TMEM132C: variants seen among roughly 807,000 people sequenced by gnomAD.
TMEM132C encodes the protein protein phosphatase 1, regulatory subunit 152.
A neutral mutation model predicts 61.4 loss-of-function variants in TMEM132C; 29 were observed. The observed-to-expected ratio is 0.47, with a 90% CI of 0.35 to 0.64. TMEM132C has a LOEUF of 0.64. TMEM132C is among the 30% of genes least tolerant of loss of function. TMEM132C has a pLI of 0.00. For synonymous variants in TMEM132C, 656 were observed against 633.1 expected (o/e 1.04, Z -0.54); for missense variants, 1,408 against 1,476.9 (o/e 0.95, Z 0.76).
chr12:128,337,003 A>G (rs943511587), intron 1 of TMEM132C, among the ~76,000 whole-genome samples: 7 of 152,216 alleles, frequency 4.6e-5, no homozygotes, highest in African/African-American at 1.7e-4. Flanking sequence ...CCAAGTTGGC[A>G]TGACAAACTT....
chr12:128,581,057 A>G (rs942588129), intron 3 of TMEM132C, among the ~76,000 whole-genome samples: 1 of 152,108 alleles, frequency 6.6e-6, no homozygotes, highest in Non-Finnish European at 1.5e-5. Context: ...ACCCTCCAGA[A>G]GCTGAGGGTC....
At chr12:128,388,691 A>G (rs1046597447) in intron 1 of TMEM132C, among the ~76,000 whole-genome samples, 6 of 152,366 alleles carry the variant, frequency 3.9e-5, no homozygotes, top group Admixed American at 6.5e-5. Flanking sequence ...GGGCCACCCC[A>G]AAGAGGTACA....
intron 3 of TMEM132C, among the ~76,000 whole-genome samples, chr12:128,563,009 G>A (rs1315451800): frequency 6.6e-6 from 1 of 152,220 alleles, no homozygotes; most frequent in Non-Finnish European, 1.5e-5. Flanking sequence ...TAAGCCAGGA[G>A]CCTGCTGCCT....
intron 2 of TMEM132C, among the ~76,000 whole-genome samples, chr12:128,440,543 C>T (rs1456962378): frequency 6.6e-6 from 1 of 152,248 alleles, no homozygotes; most frequent in Non-Finnish European, 1.5e-5. Flanking sequence ...GACCACATCT[C>T]TGCTGCCCTC....
intron 4 of TMEM132C, among the ~76,000 whole-genome samples, chr12:128,643,510 G>A (rs1954173512): frequency 6.6e-6 from 1 of 151,802 alleles, no homozygotes; most frequent in Non-Finnish European, 1.5e-5. Context: ...GCAGCGGCAA[G>A]TCACATGCTC....
At chr12:128,418,953 C>A (rs924900390) in intron 2 of TMEM132C, among the ~76,000 whole-genome samples, 1 of 151,978 alleles carries the variant, frequency 6.6e-6, no homozygotes, top group South Asian at 2.1e-4. Flanking sequence ...GCAGAGATGC[C>A]ATCTTCGCAG....
chr12:128,408,844 C>T (rs1380546765), intron 1 of TMEM132C, among the ~76,000 whole-genome samples: 1 of 152,160 alleles, frequency 6.6e-6, no homozygotes, highest in Non-Finnish European at 1.5e-5. Context: ...TTGGCTGCAG[C>T]ACCAAAGGCA....
At chr12:128,483,036 C>T (rs1265775140) in intron 2 of TMEM132C, among the ~76,000 whole-genome samples, 1 of 151,476 alleles carries the variant, frequency 6.6e-6, no homozygotes, top group Non-Finnish European at 1.5e-5. Context: ...TTGAGCCCAG[C>T]AGTACTGGGC....
At chr12:128,394,743 C>T (rs557669045) in intron 1 of TMEM132C, among the ~76,000 whole-genome samples, 10 of 152,240 alleles carry the variant, frequency 6.6e-5, no homozygotes, top group African/African-American at 2.4e-4. Flanking sequence ...GTGTGTTGTG[C>T]ACCTGTCGGA....
At chr12:128,508,324 C>T (rs1448863461) in intron 2 of TMEM132C, among the ~76,000 whole-genome samples, 1 of 152,162 alleles carries the variant, frequency 6.6e-6, no homozygotes, top group Non-Finnish European at 1.5e-5. Context: ...CCCACAACAC[C>T]TGCGAATTAT....
intron 2 of TMEM132C, among the ~76,000 whole-genome samples, chr12:128,475,342 T>C (rs1871123103): frequency 6.6e-6 from 1 of 152,218 alleles, no homozygotes; most frequent in African/African-American, 2.4e-5. Context: ...TTATATAAAA[T>C]GTCCCGAATA....
chr12:128,550,092 C>T (rs1387465500), intron 3 of TMEM132C, among the ~76,000 whole-genome samples: 3 of 152,190 alleles, frequency 2.0e-5, no homozygotes, highest in Non-Finnish European at 4.4e-5. Context: ...GCTAGGGCTG[C>T]CTGAACAAAA....
At chr12:128,269,147 C>G (rs1162135977) in intron 1 of TMEM132C, among the ~76,000 whole-genome samples, 1 of 152,130 alleles carries the variant, frequency 6.6e-6, no homozygotes, top group Non-Finnish European at 1.5e-5. Context: ...CCCTTCCCAA[C>G]CTACCTCCCA....
At chr12:128,604,268 T>C (rs1876317437) in intron 3 of TMEM132C, among the ~76,000 whole-genome samples, 1 of 151,964 alleles carries the variant, frequency 6.6e-6, no homozygotes, top group Non-Finnish European at 1.5e-5. Flanking sequence ...ATAGAATGGA[T>C]AGAGTGATTA....
At chr12:128,651,548 A>G (rs916226230) in intron 4 of TMEM132C, among the ~76,000 whole-genome samples, 6 of 152,192 alleles carry the variant, frequency 3.9e-5, no homozygotes, top group Non-Finnish European at 7.3e-5. Flanking sequence ...AGCAACTACT[A>G]TGCCCAGTCA....
rs1425129907 is a variant in TMEM132C, at chr12:128,280,551, G to C, written c.85+13064G>C. ...AGTTAACTTAATAGCGTAATCACTA[G>C]AATAATGGGGACGGACTACTAATGA... On this transcript the variant is annotated intron_variant, in intron 1 of 8. Coordinates refer to ENST00000435159, the MANE Select transcript of TMEM132C (RefSeq NM_001136103.3). 2.0e-5 allele frequency among the ~76,000 whole-genome samples: 3 copies of C among 152,192 alleles called. No individual in the cohort carries two copies. In the East Asian group the frequency reaches 5.8e-4, roughly 29 times the overall value.
At chr12:128,458,302 T>TA (rs1870417204) in intron 2 of TMEM132C, among the ~76,000 whole-genome samples, 1 of 147,752 alleles carries the variant, frequency 6.8e-6, no homozygotes, top group Non-Finnish European at 1.5e-5. Context: ...ATTATATAAT[T>TA]ATACTAAAAT....
chr12:128,625,691 C>T (rs1336532026), intron 4 of TMEM132C, among the ~76,000 whole-genome samples: 1 of 152,210 alleles, frequency 6.6e-6, no homozygotes. Flanking sequence ...AATTATTTCC[C>T]ACTGGGCCTC....
At chr12:128,653,019 C>T (rs1566003845) in intron 4 of TMEM132C, among the ~76,000 whole-genome samples, 1 of 152,134 alleles carries the variant, frequency 6.6e-6, no homozygotes, top group African/African-American at 2.4e-5. Context: ...AAAGTGGGAA[C>T]AACCCAAATG....
Sources: allele counts gnomAD v4.1 joint callset (sites outside exome capture counted in the v4.1 genomes callset), GRCh38; gene constraint gnomAD v4.1.1; transcripts MANE v1.5; gene names NCBI Gene and HGNC (gene_info 2026-07-23, HGNC 2026-07-21).